The following ZC3H18 variants were observed in gnomAD, a reference collection of about 807,000 sequenced individuals.
The protein encoded by ZC3H18 is zinc finger CCCH-type containing 18.
Under a neutral mutation model 106.1 loss-of-function variants are expected in ZC3H18, and 8 were observed. That is an observed-to-expected ratio of 0.08 (90% CI 0.04 to 0.14). ZC3H18 has a LOEUF of 0.14. ZC3H18 is among the 10% of genes least tolerant of loss of function. The probability of loss-of-function intolerance (pLI) is 1.00; values close to 1 mark genes in which losing one functional copy is unlikely to be tolerated. For synonymous variants in ZC3H18, 635 were observed against 522.1 expected, an observed-to-expected ratio of 1.22 and a Z score of -2.95; for missense variants, 1,318 against 1,278.4, an observed-to-expected ratio of 1.03 and a Z score of -0.47.
intron 8 of ZC3H18, among the ~76,000 whole-genome samples, chr16:88,612,444 G>C (rs1905323812): frequency 6.6e-6 from 1 of 151,128 alleles, no homozygotes; most frequent in African/African-American, 2.4e-5. Context: ...CAGGTGGATT[G>C]CTTGAAGCCA....
chr16:88,628,394 TCAACA>T (rs1456837039), intron 15 of ZC3H18, among the ~76,000 whole-genome samples: 1 of 152,126 alleles, frequency 6.6e-6, no homozygotes. Flanking sequence ...CCATGCAGTC[TCAACA>T]CAATACAGGA....
intron 9 of ZC3H18, 21 bp from the exon 10 acceptor site, chr16:88,623,198 G>C (rs201642835): frequency 1.2e-6 from 2 of 1,608,696 alleles, no homozygotes; most frequent in African/African-American, 2.7e-5. Context: ...TTCTCGCCAC[G>C]CTCCGTCCCG....
intron 2 of ZC3H18, among the ~76,000 whole-genome samples, chr16:88,582,219 C>CTTTTT (rs71391393): frequency 0.017 from 1,320 of 77,178 alleles, 95 homozygotes; most frequent in African/African-American, 0.032. Context: ...TTTTTCTTTT[C>CTTTTT]TTTTTTTTTT....
chr16:88,597,906 C>A (rs987501321), intron 3 of ZC3H18, among the ~76,000 whole-genome samples: 1 of 152,226 alleles, frequency 6.6e-6, no homozygotes, highest in Admixed American at 6.5e-5. Flanking sequence ...AGTTGATACG[C>A]GTGAACTCTC....
In ZC3H18 at chr16:88,631,127, A is replaced by G; in HGVS notation, c.2690A>G (p.Lys897Arg). Residue 897 changes from lysine to arginine, a missense_variant, in exon 18 of 18, where the codon AAG (lysine) becomes AGG (arginine). Physicochemically the swap from Lys to Arg is conservative, Grantham distance 26. Transcript: ENST00000301011. ...DRKRQLSPQS[K>R]SSSKVTSVPG... The stretch of plus-strand genomic sequence containing the variant: ...AAGCGCCAGCTGTCACCCCAGTCCA[A>G]GAGCTCCAGCAAGGTCACGAGCGTG... The G allele has an allele frequency of 6.2e-7, 1 of 1,612,882 alleles. No individual in the cohort carries two copies. The highest frequency in any genetic ancestry group is 8.5e-7 in the Non-Finnish European group (1 of 1,180,010).
In ZC3H18 at chr16:88,611,369, A is replaced by G. The variant is rs999968803; in HGVS notation, c.1308A>G (p.Arg436=). Residue 436 remains arginine (R), a synonymous_variant, in exon 8 of 18, where the codon CGA becomes CGG. Coordinates refer to ENST00000301011, the MANE Select transcript of ZC3H18 (RefSeq NM_144604.4). ...AGCGCCGGCAGAGGGAGCGCGAGCG[A>G]GAGCGGGAGCGCGAGCGCGACAAGG... is the stretch of plus-strand genomic sequence containing the variant. ...ERERRQRERE[R]ERERERDKER... 6.1e-6 allele frequency: 6 copies of G among 985,992 alleles called. No individual in the cohort carries two copies. The highest frequency in any genetic ancestry group is 1.6e-5 in the African/African-American group (1 of 61,718). 61.1% of individuals were successfully genotyped at this position (985,992 alleles called of 1,614,324 possible). A position where few individuals can be genotyped will look rare whatever the true frequency, so the allele number is the denominator to read the frequency against.
chr16:88,589,049 T>C (rs1915596917), intron 3 of ZC3H18, among the ~76,000 whole-genome samples: 1 of 152,246 alleles, frequency 6.6e-6, no homozygotes, highest in Non-Finnish European at 1.5e-5. Flanking sequence ...CTTCTGCTGC[T>C]GCTTTGTTAT....
Position 88,611,412 on chromosome 16 carries a change from G to A in ZC3H18, c.1351G>A (p.Glu451Lys). ...ERDKERQRRK[E>K]EWERERAKRD... ...CGACAAGGAGCGGCAGCGGAGGAAG[G>A]AGGAGTGGGAGCGTGAGCGAGCCAA... The change falls in exon 8 of 18, where the codon GAG (glutamate) becomes AAG (lysine). Residue 451 changes from glutamate (E) to lysine (K), a missense_variant. Coordinates refer to ENST00000301011, the MANE Select transcript of ZC3H18 (RefSeq NM_144604.4). The A allele has an allele frequency of 7.6e-7, 1 of 1,308,488 alleles. No homozygotes were observed. Among genetic ancestry groups the A allele is most frequent in the Non-Finnish European group, 1.1e-6 (1 of 925,020 alleles). 81.1% of individuals were successfully genotyped at this position (1,308,488 alleles called of 1,614,324 possible). A position where few individuals can be genotyped will look rare whatever the true frequency, so the allele number is the denominator to read the frequency against.
At chr16:88,597,817 T>A (rs150545125) in intron 3 of ZC3H18, among the ~76,000 whole-genome samples, 55 of 152,268 alleles carry the variant, frequency 3.6e-4, no homozygotes, top group Non-Finnish European at 6.9e-4. Context: ...CATCCAGTTG[T>A]ACCTAGATGA....
At chr16:88,624,177 CA>C (rs1343879152) in intron 11 of ZC3H18, 115 bp downstream of exon 11, 1 of 1,436,214 alleles carries the variant, frequency 7.0e-7, no homozygotes, top group Non-Finnish European at 9.4e-7. Flanking sequence ...GAGGATGCCT[CA>C]GGGGGCTGGC....
In ZC3H18 at chr16:88,576,990, G is replaced by C. The variant is rs1597317848; in HGVS notation, c.-14-120G>C. 7.0e-6 allele frequency: 7 copies of C among 994,616 alleles called. No homozygotes were observed. The East Asian group carries it at 1.6e-4, about 22-fold the overall frequency. 61.6% of individuals were successfully genotyped at this position (994,616 alleles called of 1,614,324 possible). On this transcript the variant is annotated intron_variant, in intron 1 of 17. Transcript: ENST00000301011. Reference sequence around the variant, plus strand: ...TCTGCAGAGTGGAGTGTGGGATTTGGGGCAGGGCCGTGTGGGACCAAGCAG... The same window carrying C: ...TCTGCAGAGTGGAGTGTGGGATTTGCGGCAGGGCCGTGTGGGACCAAGCAG...
At chr16:88,614,329 C>A (rs767561620) in intron 8 of ZC3H18, among the ~76,000 whole-genome samples, 2 of 152,262 alleles carry the variant, frequency 1.3e-5, no homozygotes, top group East Asian at 3.8e-4. Flanking sequence ...ATTTGCTTTC[C>A]ACCACGGGAC....
chr16:88,589,299 G>A (rs1170295505), intron 3 of ZC3H18, among the ~76,000 whole-genome samples: 3 of 152,244 alleles, frequency 2.0e-5, no homozygotes. Flanking sequence ...TGACCCAGCA[G>A]TTCCACTGCA....
rs1194936217 is a variant in ZC3H18, at chr16:88,630,495, C to T, written c.2577C>T (p.Asp859=). The T allele has an allele frequency of 6.2e-7, 1 of 1,613,352 alleles. No homozygotes were observed. The highest frequency in any genetic ancestry group is 8.5e-7 in the Non-Finnish European group (1 of 1,179,872). Residue 859 remains aspartate, a synonymous_variant, in exon 17 of 18, where the codon GAC becomes GAT. Transcript: ENST00000301011. ...PNTSPDRGSR[D]RKSGGRLGSP... Reference sequence around the variant, plus strand: ...GTACCTATCACCCAGGTTCTCGGGACCGGAAGTCAGGTGGGAGACTGGGCT... The same window carrying T: ...GTACCTATCACCCAGGTTCTCGGGATCGGAAGTCAGGTGGGAGACTGGGCT...
At chr16:88,599,634 T>C (rs1351649389) in intron 5 of ZC3H18, among the ~76,000 whole-genome samples, 157 bp from the exon 6 acceptor site, 1 of 152,144 alleles carries the variant, frequency 6.6e-6, no homozygotes, top group Non-Finnish European at 1.5e-5. Context: ...GAAGGACAAC[T>C]GTGCTGTGTC....
chr16:88,612,471 C>G (rs909802435), intron 8 of ZC3H18, among the ~76,000 whole-genome samples: 9 of 149,966 alleles, frequency 6.0e-5, no homozygotes, highest in African/African-American at 2.2e-4. Flanking sequence ...TGAGACCAGC[C>G]TGGGTAGCAA....
chr16:88,592,724 G>A (rs1157054625), intron 3 of ZC3H18, among the ~76,000 whole-genome samples: 2 of 152,152 alleles, frequency 1.3e-5, no homozygotes, highest in Non-Finnish European at 2.9e-5. Context: ...TGATCCGACC[G>A]CCTTGGCCTC....
chr16:88,614,916 G>T (rs1905486188), intron 8 of ZC3H18, among the ~76,000 whole-genome samples: 1 of 152,194 alleles, frequency 6.6e-6, no homozygotes, highest in Non-Finnish European at 1.5e-5. Flanking sequence ...CCTCTGCCCA[G>T]ATGGGCTGCC....
chr16:88,579,545 G>A (rs8048551), intron 2 of ZC3H18, among the ~76,000 whole-genome samples: 10,179 of 152,250 alleles, frequency 0.067, 464 homozygotes, highest in Non-Finnish European at 0.099. Flanking sequence ...CACCATGGGC[G>A]CGGGCGGTGC....
Sources: allele counts gnomAD v4.1 joint callset (sites outside exome capture counted in the v4.1 genomes callset), GRCh38; gene constraint gnomAD v4.1.1; transcripts MANE v1.5; gene names NCBI Gene and HGNC (gene_info 2026-07-23, HGNC 2026-07-21).